The following EYS variants were observed in gnomAD, a reference collection of about 807,000 sequenced individuals.
The protein encoded by EYS is EGF-like photoreceptor maintenance factor.
EYS carries 250 observed loss-of-function variants against 282.1 expected under a neutral mutation model. The observed-to-expected ratio is 0.89, with a 90% CI of 0.80 to 0.98. EYS has a LOEUF of 0.98. Among genes scored for constraint, EYS ranks in the 50% least tolerant of loss-of-function variants. The probability of loss-of-function intolerance (pLI) is 0.00; values close to 1 mark genes in which losing one functional copy is unlikely to be tolerated. For missense variants in EYS, 4,016 were observed against 3,709.0 expected (o/e 1.08, Z -2.15); for synonymous variants, 1,355 against 1,282.9 (o/e 1.06, Z -1.20).
chr6:64,447,205 T>C (rs1775145223), intron 26 of EYS, among the ~76,000 whole-genome samples: 1 of 151,406 alleles, frequency 6.6e-6, no homozygotes, highest in African/African-American at 2.5e-5. Context: ...TTGTGTCTCT[T>C]TGTGTTATTT....
At chr6:64,405,955 C>T (rs1159394504) in intron 28 of EYS, among the ~76,000 whole-genome samples, 3 of 152,104 alleles carry the variant, frequency 2.0e-5, no homozygotes, top group Non-Finnish European at 4.4e-5. Flanking sequence ...TTGGAAAATA[C>T]TACTTTAAAT....
At chr6:64,185,401 AC>A (rs1764905319) in intron 31 of EYS, among the ~76,000 whole-genome samples, 1 of 152,154 alleles carries the variant, frequency 6.6e-6, no homozygotes, top group South Asian at 2.1e-4. Flanking sequence ...TTTTATTTAA[AC>A]ATGTAATTCT....
At chr6:64,121,597 C>T (rs988759001) in intron 31 of EYS, among the ~76,000 whole-genome samples, 1 of 152,184 alleles carries the variant, frequency 6.6e-6, no homozygotes, top group African/African-American at 2.4e-5. Context: ...ATTCACTTGT[C>T]TATACAGAAG....
chr6:64,671,114 G>C (rs1304891123), intron 22 of EYS, among the ~76,000 whole-genome samples: 1 of 152,060 alleles, frequency 6.6e-6, no homozygotes, highest in Admixed American at 6.5e-5. Context: ...CTAAAACACT[G>C]AAGAAATGTA....
At chr6:64,768,831 C>T (rs1773434270) in intron 22 of EYS, among the ~76,000 whole-genome samples, 1 of 152,088 alleles carries the variant, frequency 6.6e-6, no homozygotes, top group Admixed American at 6.6e-5. Context: ...ATAATCATAT[C>T]TTCTACCCTT....
intron 22 of EYS, among the ~76,000 whole-genome samples, chr6:64,740,949 G>A (rs1224987156): frequency 3.9e-5 from 6 of 152,060 alleles, no homozygotes; most frequent in African/African-American, 7.2e-5. Context: ...TCCTGACCTC[G>A]TGATCTGCCC....
intron 16 of EYS, among the ~76,000 whole-genome samples, chr6:64,909,374 C>T (rs1277274330): frequency 6.6e-6 from 1 of 152,082 alleles, no homozygotes. Context: ...AAAGCTAACA[C>T]TATTGAGGTG....
At chr6:64,814,039 C>T (rs927518679) in intron 21 of EYS, among the ~76,000 whole-genome samples, 2 of 151,980 alleles carry the variant, frequency 1.3e-5, no homozygotes, top group Non-Finnish European at 2.9e-5. Flanking sequence ...ATACTTAGAA[C>T]AAACATTTCA....
At chr6:65,216,861 A>G (rs897070924) in intron 12 of EYS, among the ~76,000 whole-genome samples, 1 of 151,984 alleles carries the variant, frequency 6.6e-6, no homozygotes, top group Non-Finnish European at 1.5e-5. Flanking sequence ...TCCTATGACA[A>G]ATTTGGCAAG....
chr6:65,001,545 A>G (rs951561068), intron 13 of EYS, among the ~76,000 whole-genome samples: 1 of 147,894 alleles, frequency 6.8e-6, no homozygotes, highest in Non-Finnish European at 1.5e-5. Context: ...GCTAGGGAGC[A>G]TGGCAAGCCA....
chr6:64,962,787 G>C (rs1345258765), intron 14 of EYS, among the ~76,000 whole-genome samples: 5 of 151,794 alleles, frequency 3.3e-5, no homozygotes, highest in Non-Finnish European at 7.4e-5. Flanking sequence ...GAGAAATATA[G>C]AACAAGTGCA....
Position 64,600,095 on chromosome 6 carries a change from T to C in EYS, c.3685-6786A>G, listed in dbSNP as rs537723158. On this transcript the variant is annotated intron_variant, in intron 24 of 42. Transcript: ENST00000503581. ...TTTTCTACAAGAAATAAGGAGTACA[T>C]AATACAGAAAAAACCCAGCATCCTT... Among the ~76,000 whole-genome samples, 16 of 152,188 alleles carry C rather than the reference T, an allele frequency of 1.1e-4. No homozygotes were observed. The South Asian group carries it at 3.3e-3, about 32-fold the overall frequency.
At chr6:65,265,800 T>A (rs1404339460) in intron 12 of EYS, among the ~76,000 whole-genome samples, 2 of 151,956 alleles carry the variant, frequency 1.3e-5, no homozygotes, top group African/African-American at 4.8e-5. Context: ...GAAAATGCTC[T>A]TATTTTTTAG....
chr6:64,810,374 C>A (rs370249190), intron 22 of EYS, among the ~76,000 whole-genome samples: 3 of 151,996 alleles, frequency 2.0e-5, no homozygotes, highest in South Asian at 4.1e-4. Flanking sequence ...GAAAAAAGAC[C>A]ATTCCTTGGT....
At chr6:65,082,507 A>G (rs923335296) in intron 12 of EYS, among the ~76,000 whole-genome samples, 38 of 152,128 alleles carry the variant, frequency 2.5e-4, no homozygotes, top group African/African-American at 8.7e-4. Context: ...CAGATATCTC[A>G]GGTTGCTGTT....
intron 15 of EYS, among the ~76,000 whole-genome samples, chr6:64,931,925 A>C (rs1437047209): frequency 6.6e-6 from 1 of 152,152 alleles, no homozygotes; most frequent in Non-Finnish European, 1.5e-5. Context: ...ATAAGATGAA[A>C]ATAAAATATA....
At chr6:65,281,600 A>C (rs576224057) in intron 12 of EYS, among the ~76,000 whole-genome samples, 4 of 152,326 alleles carry the variant, frequency 2.6e-5, no homozygotes, top group Non-Finnish European at 5.9e-5. Flanking sequence ...ACGTGTAATC[A>C]TTCTTGCATA....
At chr6:64,534,137 A>G (rs1247367716) in intron 26 of EYS, among the ~76,000 whole-genome samples, 3 of 151,738 alleles carry the variant, frequency 2.0e-5, no homozygotes, top group Admixed American at 6.6e-5. Flanking sequence ...AAACCCTTAG[A>G]TCTCTACATT....
At position 65,325,321 on chromosome 6, in the gene EYS, T is replaced by C. The variant is rs149216455; in HGVS notation, c.1766+9659A>G. On this transcript the variant is annotated intron_variant, in intron 11 of 42. Transcript: ENST00000503581. ...GAGACAGCAAATCAATAATAATATT[T>C]TAAATAAATTTTTAAGCACATATAC... Among the ~76,000 whole-genome samples, 99 of 152,268 alleles carry C rather than the reference T, an allele frequency of 6.5e-4. 3 individuals carry two copies. In the East Asian group the frequency reaches 0.017, roughly 26 times the overall value.
Sources: allele counts gnomAD v4.1 joint callset (sites outside exome capture counted in the v4.1 genomes callset), GRCh38; gene constraint gnomAD v4.1.1; transcripts MANE v1.5; gene names NCBI Gene and HGNC (gene_info 2026-07-23, HGNC 2026-07-21).